SERPINI2: variants seen among roughly 807,000 people sequenced by gnomAD.
The protein encoded by SERPINI2 is serpin I2.
A neutral mutation model predicts 47.3 loss-of-function variants in SERPINI2; 48 were observed. The observed-to-expected ratio is 1.02, with a 90% CI of 0.81 to 1.29. The LOEUF is 1.29. Ranked by LOEUF, SERPINI2 falls within the 50% of genes most tolerant of loss-of-function variation. The probability of loss-of-function intolerance (pLI) is 0.00; values close to 1 mark genes in which losing one functional copy is unlikely to be tolerated. For missense variants in SERPINI2, 448 were observed against 456.9 expected, an observed-to-expected ratio of 0.98 and a Z score of 0.18; for synonymous variants, 135 against 149.3, an observed-to-expected ratio of 0.90 and a Z score of 0.70.
chr3:167,474,422 C>A (rs1213288377), upstream of SERPINI2, among the ~76,000 whole-genome samples: 1 of 151,526 alleles, frequency 6.6e-6, no homozygotes, highest in Non-Finnish European at 1.5e-5. Context: ...TTTCAGAATG[C>A]CTATGAGAAA....
chr3:167,465,632 G>A (rs1038394484), exon 4 of SERPINI2: 2 of 1,611,706 alleles, frequency 1.2e-6, no homozygotes, highest in Non-Finnish European at 1.7e-6. Context: ...AGCCGAGTCA[G>A]AGGGCCAAAT....
chr3:167,462,231 T>A (rs1750002670), intron 5 of SERPINI2, among the ~76,000 whole-genome samples: 2 of 151,768 alleles, frequency 1.3e-5, no homozygotes, highest in South Asian at 4.1e-4. Context: ...TTCAGTAAAA[T>A]TTGCTTAAAC....
rs984886775 is a variant in SERPINI2, at chr3:167,470,119, T to C, written c.247+1469A>G. 2.2e-4 allele frequency among the ~76,000 whole-genome samples: 33 copies of C among 152,168 alleles called. 1 individual carries two copies. The highest frequency in any genetic ancestry group is 1.8e-3 in the Admixed American group (27 of 15,274). ...TTTCAGAGACTCTAATTTATGTATC[T>C]TCACAAATATTGTATTACTTTTTCA... On this transcript the variant is annotated intron_variant, in intron 2 of 8. Coordinates refer to ENST00000264677, the Ensembl canonical transcript of SERPINI2.
chr3:167,466,946 C>T (rs751212231), intron 3 of SERPINI2, 109 bp downstream of exon 3: 1 of 627,690 alleles, frequency 1.6e-6, no homozygotes, highest in African/African-American at 1.9e-5. Flanking sequence ...TATTTGATTC[C>T]TCTGATCCAT....
intron 5 of SERPINI2, among the ~76,000 whole-genome samples, chr3:167,456,066 A>G (rs1384247777): frequency 6.6e-6 from 1 of 152,090 alleles, no homozygotes; most frequent in Non-Finnish European, 1.5e-5. Flanking sequence ...GAGGAGAAAA[A>G]TACAACACAA....
intron 2 of SERPINI2, 61 bp from the exon 3 acceptor site, chr3:167,467,346 G>T: frequency 8.1e-7 from 1 of 1,227,982 alleles, no homozygotes; most frequent in Non-Finnish European, 1.1e-6. Context: ...CAGCTTTTCA[G>T]CTTTGCTATC....
rs1261645088 is a variant in SERPINI2 at position 167,465,690 on chromosome 3, G to A, written c.479-17C>T. 1.3e-6 allele frequency: 2 copies of A among 1,593,852 alleles called. No individual in the cohort carries two copies. Among genetic ancestry groups the A allele is most frequent in the African/African-American group, 2.7e-5 (2 of 73,644 alleles). ...TAATTTTTCCTAGGAAGTGGGTGGA[G>A]GAGGAGGTAAGAAGAAATGTGCAAT... On this transcript the variant is annotated splice_polypyrimidine_tract_variant and intron_variant, in intron 3 of 8. Transcript: ENST00000264677.
At chr3:167,446,266 T>G (rs1322003916) in intron 8 of SERPINI2, 126 bp downstream of exon 8, 6 of 602,002 alleles carry the variant, frequency 1.0e-5, no homozygotes, top group African/African-American at 7.5e-5. Flanking sequence ...TCCTGGTATA[T>G]AAAATGCACT....
chr3:167,444,874 A>G (rs1204812468), intron 8 of SERPINI2, among the ~76,000 whole-genome samples: 1 of 152,170 alleles, frequency 6.6e-6, no homozygotes, highest in Non-Finnish European at 1.5e-5. Context: ...TTTGCATATA[A>G]CAAGTCATCA....
chr3:167,451,969 C>T (rs554439973), intron 6 of SERPINI2, among the ~76,000 whole-genome samples: 14 of 152,204 alleles, frequency 9.2e-5, no homozygotes, highest in African/African-American at 2.6e-4. Flanking sequence ...AGTGTGAGAA[C>T]GAGTAGCTAC....
chr3:167,462,105 G>A (rs1749999203), intron 5 of SERPINI2, among the ~76,000 whole-genome samples: 1 of 152,090 alleles, frequency 6.6e-6, no homozygotes, highest in African/African-American at 2.4e-5. Flanking sequence ...GTATAACAAC[G>A]GACAGAAGGA....
chr3:167,466,897 A>C (rs1035145990), intron 3 of SERPINI2, among the ~76,000 whole-genome samples, 158 bp downstream of exon 3: 1 of 152,152 alleles, frequency 6.6e-6, no homozygotes, highest in Non-Finnish European at 1.5e-5. Context: ...CAGTTTTACA[A>C]TTTAATATTA....
At chr3:167,476,072 A>C (rs564457746), upstream of SERPINI2, among the ~76,000 whole-genome samples, 2 of 152,006 alleles carry the variant, frequency 1.3e-5, no homozygotes, top group South Asian at 4.1e-4. Flanking sequence ...AGAAAATGTT[A>C]AATTATATTT....
chr3:167,448,811 C>T (rs979949412), intron 7 of SERPINI2, among the ~76,000 whole-genome samples: 9 of 151,722 alleles, frequency 5.9e-5, no homozygotes, highest in South Asian at 2.1e-4. Context: ...CGTGAGCCAC[C>T]GCGCCCGGTT....
intron 5 of SERPINI2, among the ~76,000 whole-genome samples, chr3:167,463,203 A>C (rs1271412953): frequency 6.6e-6 from 1 of 152,188 alleles, no homozygotes; most frequent in Non-Finnish European, 1.5e-5. Context: ...GAAAATAAAC[A>C]ATTTAATTTC....
intron 2 of SERPINI2, among the ~76,000 whole-genome samples, chr3:167,467,754 T>C (rs1750180222): frequency 6.6e-6 from 1 of 152,156 alleles, no homozygotes; most frequent in Admixed American, 6.5e-5. Context: ...TGTTCTCTTA[T>C]AAGCAACTGC....
rs529911194 is a variant in SERPINI2, at chr3:167,458,423, T to G, written c.867-5390A>C. ...CTGCCACCACGCCTGGCTAATTGTT[T>G]GTATTTTTTTTTTTTTTTTTAGTAG... On this transcript the variant is annotated intron_variant, in intron 5 of 8. Transcript: ENST00000264677. Among the ~76,000 whole-genome samples, 4 of 127,058 alleles carry G rather than the reference T, an allele frequency of 3.1e-5. No homozygotes were observed. In the East Asian group the frequency reaches 9.5e-4, roughly 30 times the overall value. 83.4% of individuals were successfully genotyped at this position (127,058 alleles called of 152,430 possible).
At chr3:167,468,024 G>A (rs1222740490) in intron 2 of SERPINI2, among the ~76,000 whole-genome samples, 6 of 152,114 alleles carry the variant, frequency 3.9e-5, no homozygotes, top group Non-Finnish European at 5.9e-5. Context: ...CTATATATGC[G>A]TATGAGAGAA....
At chr3:167,449,483 T>A (rs931792152) in intron 6 of SERPINI2, 81 bp from the exon 7 acceptor site, 1 of 528,060 alleles carries the variant, frequency 1.9e-6, no homozygotes, top group Non-Finnish European at 3.0e-6. Context: ...ATTAATTACA[T>A]TTATTTATTT....
Sources: gnomAD v4.1 joint callset for allele counts (sites outside exome capture counted in the v4.1 genomes callset) on GRCh38, gnomAD v4.1.1 for gene constraint, MANE v1.5 for transcripts, NCBI Gene and HGNC (gene_info 2026-07-23, HGNC 2026-07-21) for gene names.